VPS13B: variants seen among roughly 807,000 people sequenced by gnomAD.
VPS13B encodes the protein vacuolar protein sorting 13 homolog B.
VPS13B carries 285 observed loss-of-function variants against 426.4 expected under a neutral mutation model. That is an observed-to-expected ratio of 0.67 (90% CI 0.61 to 0.74). The LOEUF is 0.74. Ranked by LOEUF, VPS13B falls within the 30% of genes least tolerant of loss-of-function variation. The pLI is 0.00. For missense variants in VPS13B, 4,537 were observed against 4,782.6 expected, an observed-to-expected ratio of 0.95 and a Z score of 1.51; for synonymous variants, 1,676 against 1,676.4, an observed-to-expected ratio of 1.00 and a Z score of 0.01.
chr8:99,702,009 A>C (rs1832303746), intron 36 of VPS13B, among the ~76,000 whole-genome samples: 1 of 152,160 alleles, frequency 6.6e-6, no homozygotes, highest in Non-Finnish European at 1.5e-5. Flanking sequence ...AACATAACTT[A>C]AGTTTTGAAT....
At chr8:99,681,737 G>A (rs1185629769) in intron 35 of VPS13B, among the ~76,000 whole-genome samples, 2 of 152,142 alleles carry the variant, frequency 1.3e-5, no homozygotes, top group East Asian at 3.9e-4. Context: ...ATTTTCAAAC[G>A]TTCTAAAAAC....
chr8:99,526,717 T>C (rs111936028), intron 30 of VPS13B, among the ~76,000 whole-genome samples: 232 of 152,306 alleles, frequency 1.5e-3, no homozygotes, highest in African/African-American at 5.1e-3. Flanking sequence ...CAGGAGTTAA[T>C]GAGCTCCCCA....
At chr8:99,231,914 T>C (rs1816342214) in intron 17 of VPS13B, among the ~76,000 whole-genome samples, 1 of 152,228 alleles carries the variant, frequency 6.6e-6, no homozygotes. Flanking sequence ...AAATACATTC[T>C]TTCATTGTGG....
chr8:99,186,720 A>G (rs1813238778), intron 16 of VPS13B, among the ~76,000 whole-genome samples: 1 of 152,138 alleles, frequency 6.6e-6, no homozygotes, highest in Non-Finnish European at 1.5e-5. Flanking sequence ...AAAATAAACC[A>G]CAAAGACATA....
chr8:99,453,148 C>G (rs1452804927), intron 23 of VPS13B, among the ~76,000 whole-genome samples: 1 of 152,150 alleles, frequency 6.6e-6, no homozygotes, highest in African/African-American at 2.4e-5. Flanking sequence ...ATGAAAAACA[C>G]AGGGGCTGCT....
At chr8:99,505,210 G>C (rs1002361418) in intron 27 of VPS13B, among the ~76,000 whole-genome samples, 2 of 152,170 alleles carry the variant, frequency 1.3e-5, no homozygotes, top group Non-Finnish European at 2.9e-5. Flanking sequence ...CAGCAATAAG[G>C]CTGTTTCACT....
chr8:99,094,005 A>G (rs1588028057), intron 3 of VPS13B: 1 of 152,332 alleles, frequency 6.6e-6, no homozygotes, highest in Non-Finnish European at 1.5e-5. Context: ...TAAAAAATAG[A>G]GTAAAAATAA....
At chr8:99,197,518 T>G (rs1056454145) in intron 17 of VPS13B, among the ~76,000 whole-genome samples, 1 of 152,212 alleles carries the variant, frequency 6.6e-6, no homozygotes, top group Middle Eastern at 3.2e-3. Flanking sequence ...CATGATTGAG[T>G]CTTGATAGGT....
At chr8:99,798,493 A>G (rs1262498290) in intron 43 of VPS13B, among the ~76,000 whole-genome samples, 1 of 152,202 alleles carries the variant, frequency 6.6e-6, no homozygotes, top group Non-Finnish European at 1.5e-5. Flanking sequence ...AATTTATAAA[A>G]TGACCAATTT....
At position 99,854,380 on chromosome 8, in the gene VPS13B, A is replaced by G. The variant is rs993171962; in HGVS notation, c.10867+124A>G. 3.4e-5 allele frequency: 37 copies of G among 1,079,330 alleles called. No individual in the cohort carries two copies. In the African/African-American group the frequency reaches 5.1e-4, roughly 15 times the overall value. 66.9% of individuals were successfully genotyped at this position (1,079,330 alleles called of 1,614,324 possible). ...GCAAGAGGTGACACACCTGAGCTCT[A>G]CAGTTACACAGAACTGGATCTAAAT... On this transcript the variant is annotated intron_variant, in intron 56 of 61. Transcript: ENST00000357162.
intron 16 of VPS13B, 138 bp downstream of exon 16, chr8:99,170,301 C>T (rs2034544204): frequency 9.4e-7 from 1 of 1,062,836 alleles, no homozygotes; most frequent in Non-Finnish European, 1.4e-6. Flanking sequence ...TGTACTTTTA[C>T]TGAGACACTA....
At chr8:99,358,100 T>C (rs1179768869) in intron 19 of VPS13B, among the ~76,000 whole-genome samples, 1 of 152,188 alleles carries the variant, frequency 6.6e-6, no homozygotes, top group African/African-American at 2.4e-5. Flanking sequence ...CTGCTGTTTT[T>C]CTGAAGCCAG....
At chr8:99,470,720 G>GAA (rs35794375) in intron 24 of VPS13B, among the ~76,000 whole-genome samples, 73 of 140,096 alleles carry the variant, frequency 5.2e-4, no homozygotes, top group Admixed American at 2.9e-3. Context: ...GATTGGGATA[G>GAA]AAAAAAAAAA....
chr8:99,821,263 T>A, intron 49 of VPS13B, 31 bp from the exon 50 acceptor site: 1 of 1,607,414 alleles, frequency 6.2e-7, no homozygotes, highest in South Asian at 1.1e-5. Context: ...GGTAAGAAAA[T>A]TACTTTATAA....
chr8:99,196,477 T>C (rs1588132048), intron 17 of VPS13B, among the ~76,000 whole-genome samples: 1 of 150,942 alleles, frequency 6.6e-6, no homozygotes, highest in East Asian at 1.9e-4. Flanking sequence ...GTTTTTTTTT[T>C]TTTTTTTTGA....
chr8:99,488,595 G>C (rs942626962), intron 25 of VPS13B, among the ~76,000 whole-genome samples: 3 of 152,142 alleles, frequency 2.0e-5, no homozygotes, highest in African/African-American at 7.2e-5. Flanking sequence ...TTTCGAAAAA[G>C]ATTGTCAGAC....
chr8:99,699,626 A>G lies in VPS13B; in HGVS notation c.6148A>G (p.Ser2050Gly). Residue 2050 changes from serine to glycine, a missense_variant, in exon 36 of 62, where the codon AGT becomes GGT. This residue lies in a region of VPS13B where 4,311 missense variants were observed against 4,474.3 expected (regional missense o/e 0.96). Transcript: ENST00000357162. ...TTTAAAGAAGATAAAAAATGCACACAGTTTGGCACATAGTGAAGAGACTTC... is the reference window on the plus strand; with the variant it reads ...TTTAAAGAAGATAAAAAATGCACACGGTTTGGCACATAGTGAAGAGACTTC... ...LFLKKIKNAH[S>G]LAHSEETSAM... is the part of the protein sequence containing the mutation. The G allele has an allele frequency of 1.2e-6, 2 of 1,614,146 alleles. No homozygotes were observed. The highest frequency in any genetic ancestry group is 1.7e-6 in the Non-Finnish European group (2 of 1,180,004).
chr8:99,634,375 C>A (rs1828987792), intron 33 of VPS13B, among the ~76,000 whole-genome samples: 1 of 151,962 alleles, frequency 6.6e-6, no homozygotes, highest in Non-Finnish European at 1.5e-5. Flanking sequence ...CTTGACTGAA[C>A]TATCTGCATG....
chr8:99,582,718 C>G (rs1325916301), intron 33 of VPS13B, among the ~76,000 whole-genome samples: 3 of 152,048 alleles, frequency 2.0e-5, no homozygotes, highest in Non-Finnish European at 4.4e-5. Context: ...TGCAGTGGCG[C>G]AATCTCGGCT....
Sources: allele counts gnomAD v4.1 joint callset (sites outside exome capture counted in the v4.1 genomes callset), GRCh38; gene constraint gnomAD v4.1.1; regional missense constraint gnomAD v4.1.1; transcripts MANE v1.5; gene names NCBI Gene and HGNC (gene_info 2026-07-23, HGNC 2026-07-21).